Variants in ZNF438 observed in about 807,000 individuals in gnomAD.
ZNF438 encodes the protein zinc finger protein 438.
In ZNF438, 25 loss-of-function variants were observed where a neutral mutation model predicts 38.0. The ratio of observed to expected loss-of-function variants is 0.66; its 90% CI spans 0.48 to 0.92. The LOEUF (loss-of-function observed/expected upper bound fraction) is 0.92. Among genes scored for constraint, ZNF438 ranks in the 40% least tolerant of loss-of-function variants. The probability of loss-of-function intolerance (pLI) is 0.00; values close to 1 mark genes in which losing one functional copy is unlikely to be tolerated. For missense variants in ZNF438, 1,007 were observed against 999.6 expected, an observed-to-expected ratio of 1.01 and a Z score of -0.10; for synonymous variants, 372 against 364.1, an observed-to-expected ratio of 1.02 and a Z score of -0.25.
At chr10:31,021,489 A>G (rs2056590463) in intron 1 of ZNF438, among the ~76,000 whole-genome samples, 1 of 152,172 alleles carries the variant, frequency 6.6e-6, no homozygotes, top group Non-Finnish European at 1.5e-5. Context: ...CAGGTTTTGT[A>G]TTGTTGGAAT....
At chr10:30,889,644 G>A (rs1411905988) in intron 3 of ZNF438, among the ~76,000 whole-genome samples, 2 of 152,216 alleles carry the variant, frequency 1.3e-5, no homozygotes, top group Admixed American at 6.5e-5. Flanking sequence ...GACCTGAAGT[G>A]ATCTGCCCAC....
intron 4 of ZNF438, among the ~76,000 whole-genome samples, chr10:30,874,028 C>T (rs938365115): frequency 1.3e-5 from 2 of 150,828 alleles, no homozygotes; most frequent in African/African-American, 4.9e-5. Context: ...GCCCAGCAAA[C>T]TTCTCATGTC....
chr10:30,941,859 T>A (rs1174775018), intron 1 of ZNF438, among the ~76,000 whole-genome samples: 1 of 152,212 alleles, frequency 6.6e-6, no homozygotes, highest in East Asian at 1.9e-4. Context: ...AGATATATTG[T>A]CTTCACATAT....
At chr10:30,848,935 C>T in exon 5 of ZNF438, 1 of 1,614,106 alleles carries the variant, frequency 6.2e-7, no homozygotes, top group Non-Finnish European at 8.5e-7. Context: ...CGGAGCTGGG[C>T]TTAGGGGAAG....
rs76460341 is a variant in ZNF438, at chr10:30,880,787, C to T, written c.-31-3722G>A. ...AATCAAATCCAACAATATGAGAATACGTCATGACCAAGTAGAGATATCCAG... is the reference window on the plus strand; with the variant it reads ...AATCAAATCCAACAATATGAGAATATGTCATGACCAAGTAGAGATATCCAG... On this transcript the variant is annotated intron_variant, in intron 3 of 5. Transcript: ENST00000413025. 2.6e-3 allele frequency among the ~76,000 whole-genome samples: 402 copies of T among 152,120 alleles called. 4 individuals are homozygous for T. Among genetic ancestry groups the T allele is most frequent in the Middle Eastern group, 0.014 (4 of 294 alleles).
intron 2 of ZNF438, among the ~76,000 whole-genome samples, chr10:30,929,544 T>A (rs1012223749): frequency 2.6e-5 from 4 of 152,198 alleles, no homozygotes; most frequent in Admixed American, 6.5e-5. Context: ...AGCAGCAAGA[T>A]TTATTGCAAA....
intron 1 of ZNF438, among the ~76,000 whole-genome samples, chr10:30,996,291 A>G (rs1160125213): frequency 6.6e-6 from 1 of 152,144 alleles, no homozygotes; most frequent in Non-Finnish European, 1.5e-5. Context: ...CAATCTAATC[A>G]AAAGAAAGAT....
chr10:31,014,844 ATGTGTG>A (rs376981341), intron 1 of ZNF438, among the ~76,000 whole-genome samples: 1 of 149,118 alleles, frequency 6.7e-6, no homozygotes, highest in Admixed American at 6.7e-5. Flanking sequence ...ATGTGTGTGT[ATGTGTG>A]TGTGTGTGTG....
intron 1 of ZNF438, among the ~76,000 whole-genome samples, chr10:31,008,647 G>T (rs2055375677): frequency 6.6e-6 from 1 of 152,128 alleles, no homozygotes; most frequent in Admixed American, 6.5e-5. Context: ...CCATTGTATG[G>T]ATGTACCACA....
intron 1 of ZNF438, among the ~76,000 whole-genome samples, chr10:30,954,284 T>C (rs1399047434): frequency 6.6e-6 from 1 of 152,178 alleles, no homozygotes; most frequent in Non-Finnish European, 1.5e-5. Context: ...CATTTTCAAG[T>C]AGAAGTTAGA....
chr10:30,986,254 G>GCACT (rs2052775384), intron 1 of ZNF438, among the ~76,000 whole-genome samples: 1 of 152,166 alleles, frequency 6.6e-6, no homozygotes, highest in African/African-American at 2.4e-5. Flanking sequence ...ATAGCCAACA[G>GCACT]CACTATAAGT....
intron 3 of ZNF438, among the ~76,000 whole-genome samples, chr10:30,890,395 A>T (rs983471590): frequency 1.3e-5 from 2 of 152,122 alleles, no homozygotes; most frequent in Non-Finnish European, 2.9e-5. Context: ...TACAATTGCA[A>T]ATTTATATTT....
intron 3 of ZNF438, among the ~76,000 whole-genome samples, chr10:30,898,230 C>T (rs1248728737): frequency 6.6e-6 from 1 of 152,086 alleles, no homozygotes; most frequent in African/African-American, 2.4e-5. Context: ...TTTGAATGTT[C>T]TACCTTACAG....
chr10:31,001,014 C>A (rs1169764682), intron 1 of ZNF438, among the ~76,000 whole-genome samples: 2 of 152,158 alleles, frequency 1.3e-5, no homozygotes, highest in African/African-American at 2.4e-5. Context: ...TACCAGAGAA[C>A]AGTCATCTCA....
chr10:31,014,097 C>T (rs2055974820), intron 1 of ZNF438, among the ~76,000 whole-genome samples: 1 of 152,112 alleles, frequency 6.6e-6, no homozygotes, highest in Non-Finnish European at 1.5e-5. Flanking sequence ...TAACATTATT[C>T]TTTCTTGGTG....
At chr10:30,866,788 C>T (rs917166900) in intron 4 of ZNF438, among the ~76,000 whole-genome samples, 8 of 151,418 alleles carry the variant, frequency 5.3e-5, no homozygotes, top group African/African-American at 1.5e-4. Flanking sequence ...GAGCCGAGAT[C>T]GCGCCACTGC....
chr10:30,976,462 C>T (rs976929753), intron 1 of ZNF438, among the ~76,000 whole-genome samples: 1 of 152,184 alleles, frequency 6.6e-6, no homozygotes, highest in Non-Finnish European at 1.5e-5. Context: ...AAAGTCATGG[C>T]TGGGTGCAGT....
At chr10:30,938,690 C>T (rs907963678) in intron 2 of ZNF438, among the ~76,000 whole-genome samples, 1 of 152,180 alleles carries the variant, frequency 6.6e-6, no homozygotes, top group Non-Finnish European at 1.5e-5. Context: ...GTTTATGAAG[C>T]ATTTTATGGC....
intron 3 of ZNF438, among the ~76,000 whole-genome samples, chr10:30,887,151 G>A (rs1032742011): frequency 6.6e-6 from 1 of 152,146 alleles, no homozygotes; most frequent in Non-Finnish European, 1.5e-5. Context: ...TAAATCACTG[G>A]AGTGAGATGG....
Sources: allele counts gnomAD v4.1 joint callset (sites outside exome capture counted in the v4.1 genomes callset), GRCh38; gene constraint gnomAD v4.1.1; transcripts MANE v1.5; gene names NCBI Gene and HGNC (gene_info 2026-07-23, HGNC 2026-07-21).